The following SIN3A variants were observed in gnomAD, a reference collection of about 807,000 sequenced individuals.
SIN3A encodes the protein SIN3 transcription regulator family member A, also known as paired amphipathic helix protein Sin3a.
Under a neutral mutation model 146.1 loss-of-function variants are expected in SIN3A, and 14 were observed. The observed-to-expected ratio is 0.10, with a 90% CI of 0.06 to 0.15. The LOEUF (loss-of-function observed/expected upper bound fraction) is 0.15. Among genes scored for constraint, SIN3A ranks in the 10% least tolerant of loss-of-function variants. The pLI is 1.00. For synonymous variants in SIN3A, 572 were observed against 572.0 expected (o/e 1.00, Z 0.00); for missense variants, 1,028 against 1,576.0 (o/e 0.65, Z 5.89).
chr15:75,391,152 C>CA (rs1384393126), intron 15 of SIN3A, among the ~76,000 whole-genome samples: 2 of 152,146 alleles, frequency 1.3e-5, no homozygotes, highest in Non-Finnish European at 2.9e-5. Context: ...CTATAGACTC[C>CA]AAAATATACC....
chr15:75,405,865 A>T (rs2073502808), intron 9 of SIN3A, among the ~76,000 whole-genome samples: 1 of 152,136 alleles, frequency 6.6e-6, no homozygotes, highest in Admixed American at 6.6e-5. Context: ...CTTCCCTTCC[A>T]TACCCTTTTC....
At chr15:75,391,524 G>T (rs1181955219) in intron 15 of SIN3A, among the ~76,000 whole-genome samples, 1 of 150,062 alleles carries the variant, frequency 6.7e-6, no homozygotes. Context: ...AAAAGAAGAA[G>T]AAGATACACT....
chr15:75,425,714 G>T (rs1417039883), intron 2 of SIN3A, among the ~76,000 whole-genome samples: 1 of 151,886 alleles, frequency 6.6e-6, no homozygotes, highest in Non-Finnish European at 1.5e-5. Flanking sequence ...CAGAATTGTT[G>T]ATCACCACAG....
chr15:75,375,947 CT>C (rs926564869), intron 19 of SIN3A, 75 bp from the exon 20 acceptor site: 6 of 1,425,820 alleles, frequency 4.2e-6, no homozygotes, highest in Non-Finnish European at 5.9e-6. Context: ...AGTGAGTTTT[CT>C]TTATTATATG....
At chr15:75,412,734 T>C (rs779240061) in intron 5 of SIN3A, 29 bp downstream of exon 5, 2 of 1,536,444 alleles carry the variant, frequency 1.3e-6, no homozygotes, top group Admixed American at 4.2e-5. Flanking sequence ...GATGCATTCA[T>C]ATTGATGCAA....
chr15:75,420,953 C>G (rs1037508656), intron 3 of SIN3A: 1 of 151,568 alleles, frequency 6.6e-6, no homozygotes, highest in African/African-American at 2.4e-5. Flanking sequence ...AATCCAAAAC[C>G]TTTCCTTGTT....
At chr15:75,396,869 T>C (rs1244996702) in intron 12 of SIN3A, among the ~76,000 whole-genome samples, 4 of 152,184 alleles carry the variant, frequency 2.6e-5, no homozygotes, top group African/African-American at 9.7e-5. Flanking sequence ...GGAGATGACT[T>C]TACTGAAACG....
At chr15:75,452,147 A>G (rs556093322), upstream of SIN3A, among the ~76,000 whole-genome samples, 153 of 152,332 alleles carry the variant, frequency 1.0e-3, 1 homozygote, top group Middle Eastern at 0.02. Context: ...CTGTAAGTGA[A>G]ACAGGCTCCG....
At chr15:75,408,192 G>A (rs1429778486) in intron 8 of SIN3A, among the ~76,000 whole-genome samples, 1 of 152,166 alleles carries the variant, frequency 6.6e-6, no homozygotes, top group Non-Finnish European at 1.5e-5. Flanking sequence ...GCCACCTGTA[G>A]GTAATCAAGA....
intron 1 of SIN3A, among the ~76,000 whole-genome samples, chr15:75,440,764 C>G (rs572458010): frequency 1.3e-5 from 2 of 151,858 alleles, no homozygotes; most frequent in African/African-American, 4.8e-5. Flanking sequence ...AGGCGGATTA[C>G]GAGGTCAGGA....
chr15:75,400,608 TAAAAA>T (rs1198554539), intron 11 of SIN3A, 117 bp downstream of exon 11: 1 of 780,548 alleles, frequency 1.3e-6, no homozygotes, highest in African/African-American at 1.8e-5. Context: ...ATTTTCTTTT[TAAAAA>T]GGATTAAAAG....
At chr15:75,432,030 A>T (rs1315946972) in intron 1 of SIN3A, among the ~76,000 whole-genome samples, 1 of 152,232 alleles carries the variant, frequency 6.6e-6, no homozygotes, top group Non-Finnish European at 1.5e-5. Flanking sequence ...AGTTAAATGG[A>T]GTTGAGAACG....
At chr15:75,434,117 A>T (rs1001337750) in intron 1 of SIN3A, among the ~76,000 whole-genome samples, 1 of 152,208 alleles carries the variant, frequency 6.6e-6, no homozygotes, top group Non-Finnish European at 1.5e-5. Flanking sequence ...AGAAGAGAAG[A>T]AGTGAAGGAA....
chr15:75,383,367 G>A (rs2073012383), intron 17 of SIN3A, among the ~76,000 whole-genome samples: 1 of 151,770 alleles, frequency 6.6e-6, no homozygotes, highest in Non-Finnish European at 1.5e-5. Context: ...TCATAGAGAT[G>A]TCATCAATGA....
chr15:75,401,696 T>C (rs901323462), intron 10 of SIN3A, among the ~76,000 whole-genome samples, 156 bp downstream of exon 10: 5 of 152,206 alleles, frequency 3.3e-5, no homozygotes, highest in Admixed American at 3.3e-4. Flanking sequence ...TCTCTAGAGC[T>C]GGACTAGAAG....
At chr15:75,404,961 C>CA in intron 9 of SIN3A, among the ~76,000 whole-genome samples, 1 of 151,842 alleles carries the variant, frequency 6.6e-6, no homozygotes, top group Admixed American at 6.6e-5. Context: ...CAGGGCAAAA[C>CA]ATTGAGACCC....
rs33945328 is a variant in SIN3A, at chr15:75,387,561, T to TA, written c.3021+2090dup. Among the ~76,000 whole-genome samples the TA allele has an allele frequency of 3.6e-3, 412 of 113,122 alleles. 1 individual carries two copies. Among genetic ancestry groups the TA allele is most frequent in the African/African-American group, 7.8e-3 (232 of 29,694 alleles). The allele number at this position is 113,122 out of a possible 152,430, so 74.2% of individuals were successfully genotyped here. A position where few individuals can be genotyped will look rare whatever the true frequency, so the allele number is the denominator to read the frequency against. ...TTTTCTGGATGAAACCTGTTTCCATTAAAAAAAAAAAAAAAAAGCGGGGGG... is the reference window on the plus strand; with the variant it reads ...TTTTCTGGATGAAACCTGTTTCCATTAAAAAAAAAAAAAAAAAAGCGGGGGG... On this transcript the variant is annotated intron_variant, in intron 16 of 20. Transcript: ENST00000394947.
chr15:75,380,774 C>T (rs746322384), intron 18 of SIN3A, 51 bp from the exon 19 acceptor site: 2 of 1,271,172 alleles, frequency 1.6e-6, no homozygotes, highest in East Asian at 4.6e-5. Context: ...AAAAACAGCT[C>T]CTAATGCATT....
At chr15:75,422,928 C>T in intron 2 of SIN3A, 105 bp from the exon 3 acceptor site, 2 of 1,208,422 alleles carry the variant, frequency 1.7e-6, no homozygotes, top group East Asian at 4.9e-5. Flanking sequence ...AATTGGAAAC[C>T]CAAATTTCTG....
Sources: allele counts gnomAD v4.1 joint callset (sites outside exome capture counted in the v4.1 genomes callset), GRCh38; gene constraint gnomAD v4.1.1; transcripts MANE v1.5; gene names NCBI Gene and HGNC (gene_info 2026-07-23, HGNC 2026-07-21).